The following TTYH3 variants were observed in gnomAD, a reference collection of about 807,000 sequenced individuals.
TTYH3 encodes tweety family member 3, also known as protein tweety homolog 3.
A neutral mutation model predicts 68.2 loss-of-function variants in TTYH3; 23 were observed. The observed-to-expected ratio is 0.34, with a 90% CI of 0.24 to 0.48. The LOEUF is 0.48. TTYH3 is among the 20% of genes least tolerant of loss of function. The probability of loss-of-function intolerance (pLI) is 0.99; values close to 1 mark genes in which losing one functional copy is unlikely to be tolerated. For missense variants in TTYH3, 768 were observed against 727.7 expected (o/e 1.06, Z -0.64); for synonymous variants, 360 against 332.8 (o/e 1.08, Z -0.89).
chr7:2,651,195 A>G (rs994912007), intron 7 of TTYH3, among the ~76,000 whole-genome samples: 4 of 152,120 alleles, frequency 2.6e-5, no homozygotes, highest in Admixed American at 2.6e-4. Flanking sequence ...GTTCCCCAAT[A>G]GGAAATAGAA....
At chr7:2,647,794 T>C (rs2114986353) in intron 4 of TTYH3, 156 bp downstream of exon 4, 3 of 1,066,218 alleles carry the variant, frequency 2.8e-6, no homozygotes, top group East Asian at 2.6e-5. Flanking sequence ...GTTCCCCTAA[T>C]GGGAGCCTTT....
At chr7:2,642,829 A>T (rs1306232211) in intron 1 of TTYH3, among the ~76,000 whole-genome samples, 2 of 146,746 alleles carry the variant, frequency 1.4e-5, no homozygotes, top group Admixed American at 1.4e-4. Context: ...TTGGGAAGCT[A>T]AGGCGGGCAG....
chr7:2,646,163 C>A (rs994924361), intron 1 of TTYH3, among the ~76,000 whole-genome samples: 3 of 152,144 alleles, frequency 2.0e-5, no homozygotes, highest in Non-Finnish European at 4.4e-5. Context: ...TACAGGCACC[C>A]GCCACCAGGC....
At chr7:2,658,162 T>TC in intron 11 of TTYH3, 124 bp from the exon 12 acceptor site, 2 of 1,023,012 alleles carry the variant, frequency 2.0e-6, no homozygotes, top group Non-Finnish European at 2.8e-6. Flanking sequence ...ACATGGAGTG[T>TC]GCACACGGCC....
chr7:2,648,556 C>T (rs35850636), intron 5 of TTYH3: 38,444 of 154,138 alleles, frequency 0.25, 4,837 homozygotes, highest in African/African-American at 0.27. Flanking sequence ...GTTGTCACTG[C>T]CCTTCACCAC....
chr7:2,642,556 A>AG (rs1554328870), intron 1 of TTYH3, among the ~76,000 whole-genome samples: 28 of 147,332 alleles, frequency 1.9e-4, no homozygotes, highest in African/African-American at 3.8e-4. Flanking sequence ...AAAAAAAAAA[A>AG]AAAGAAAGAA....
At chr7:2,660,504 G>C in intron 13 of TTYH3, 1 of 985,388 alleles carries the variant, frequency 1.0e-6, no homozygotes, top group Non-Finnish European at 1.2e-6. Flanking sequence ...GGTGGTGCGG[G>C]TGCCTGCTTG....
At chr7:2,657,159 T>C (rs1786357114) in intron 11 of TTYH3, among the ~76,000 whole-genome samples, 1 of 152,222 alleles carries the variant, frequency 6.6e-6, no homozygotes, top group African/African-American at 2.4e-5. Context: ...CTATGGCTTA[T>C]CTTTGAGACC....
intron 9 of TTYH3, among the ~76,000 whole-genome samples, chr7:2,654,945 C>T (rs903325328): frequency 1.4e-4 from 21 of 151,810 alleles, no homozygotes; most frequent in African/African-American, 5.1e-4. Flanking sequence ...AGCTCATTTT[C>T]CTCTTCTTAT....
chr7:2,640,219 C>T (rs189163521), intron 1 of TTYH3, among the ~76,000 whole-genome samples: 18 of 152,286 alleles, frequency 1.2e-4, no homozygotes, highest in East Asian at 9.7e-4. Context: ...CTGCATCGGG[C>T]CAAACTTCTC....
At chr7:2,652,819 C>T (rs1378118015) in intron 8 of TTYH3, 99 bp from the exon 9 acceptor site, 2 of 939,750 alleles carry the variant, frequency 2.1e-6, no homozygotes, top group Non-Finnish European at 3.3e-6. Context: ...GTCTCCCAGG[C>T]TGGACGTCTT....
chr7:2,651,994 CAG>C (rs766452756), intron 7 of TTYH3, among the ~76,000 whole-genome samples, 191 bp from the exon 8 acceptor site: 19 of 152,262 alleles, frequency 1.2e-4, no homozygotes, highest in African/African-American at 3.9e-4. Context: ...GAAACGTGCA[CAG>C]AGACACATGC....
intron 1 of TTYH3, among the ~76,000 whole-genome samples, chr7:2,637,122 C>T (rs763315474): frequency 3.9e-4 from 59 of 152,282 alleles, no homozygotes; most frequent in Non-Finnish European, 7.4e-4. Flanking sequence ...GCCCCCCACT[C>T]GCCTGAGACT....
intron 1 of TTYH3, among the ~76,000 whole-genome samples, chr7:2,641,842 G>T (rs1785855939): frequency 6.6e-6 from 1 of 152,234 alleles, no homozygotes; most frequent in Non-Finnish European, 1.5e-5. Context: ...GGCGCGTTGG[G>T]TGCCGGGGCT....
Position 2,653,230 on chromosome 7 carries a change from C to CA in TTYH3, c.1020+221dup, listed in dbSNP as rs1786241149. Among the ~76,000 whole-genome samples the CA allele has an allele frequency of 2.0e-5, 3 of 152,206 alleles. No individual in the cohort carries two copies. The South Asian group carries it at 6.2e-4, about 31-fold the overall frequency. On this transcript the variant is annotated intron_variant, in intron 9 of 13. Coordinates refer to ENST00000258796, the MANE Select transcript of TTYH3 (RefSeq NM_025250.3). ...TTTTTCCTCCCCTTCCTCCCTCCTT[C>CA]ATTCCTTTCCCTTGGGAATTTTTGG...
chr7:2,652,840 C>CCG, intron 8 of TTYH3, 78 bp from the exon 9 acceptor site: 1 of 1,213,354 alleles, frequency 8.2e-7, no homozygotes, highest in Non-Finnish European at 1.2e-6. Context: ...GCTGGTGTCC[C>CCG]CGCGTTGGAG....
chr7:2,633,247 C>A (rs186722538), intron 1 of TTYH3, among the ~76,000 whole-genome samples: 84 of 152,286 alleles, frequency 5.5e-4, no homozygotes, highest in African/African-American at 1.9e-3. Context: ...TGGCAGAGCC[C>A]CATGGTGGGG....
intron 9 of TTYH3, 85 bp from the exon 10 acceptor site, chr7:2,656,007 C>T (rs995210143): frequency 8.1e-6 from 9 of 1,117,026 alleles, no homozygotes; most frequent in Non-Finnish European, 1.2e-5. Flanking sequence ...GGAGGGAGAC[C>T]TGGGGGCTTC....
intron 12 of TTYH3, 84 bp downstream of exon 12, chr7:2,658,543 C>CAAGGGGCTGGAG: frequency 6.7e-7 from 1 of 1,483,680 alleles, no homozygotes; most frequent in Non-Finnish European, 9.1e-7. Flanking sequence ...TAGCTCGAGG[C>CAAGGGGCTGGAG]AAGGGGCTGG....
Sources: allele counts gnomAD v4.1 joint callset (sites outside exome capture counted in the v4.1 genomes callset), GRCh38; gene constraint gnomAD v4.1.1; transcripts MANE v1.5; gene names NCBI Gene and HGNC (gene_info 2026-07-23, HGNC 2026-07-21).